The following NECTIN2 variants were observed in gnomAD, a reference collection of about 807,000 sequenced individuals.
NECTIN2 encodes the protein nectin cell adhesion molecule 2.
Under a neutral mutation model 56.9 loss-of-function variants are expected in NECTIN2, and 23 were observed. The observed-to-expected ratio is 0.40, with a 90% CI of 0.29 to 0.57. The LOEUF (loss-of-function observed/expected upper bound fraction) is 0.57. NECTIN2 is among the 20% of genes least tolerant of loss of function. The probability of loss-of-function intolerance (pLI) is 0.38; values close to 1 mark genes in which losing one functional copy is unlikely to be tolerated. For missense variants in NECTIN2, 587 were observed against 718.3 expected (o/e 0.82, Z 2.09); for synonymous variants, 302 against 313.8 (o/e 0.96, Z 0.40).
intron 1 of NECTIN2, among the ~76,000 whole-genome samples, chr19:44,853,768 T>C (rs1968930544): frequency 6.6e-6 from 1 of 152,228 alleles, no homozygotes; most frequent in African/African-American, 2.4e-5. Context: ...ATTACAGGCG[T>C]GAGCCATTGC....
intron 8 of NECTIN2, among the ~76,000 whole-genome samples, chr19:44,887,780 T>A (rs985580878): frequency 6.6e-6 from 1 of 152,178 alleles, no homozygotes; most frequent in Non-Finnish European, 1.5e-5. Context: ...ACACTGAGGT[T>A]GCGCTCAAGG....
At chr19:44,847,078 T>G (rs1968844660) in intron 1 of NECTIN2, among the ~76,000 whole-genome samples, 1 of 152,084 alleles carries the variant, frequency 6.6e-6, no homozygotes, top group Non-Finnish European at 1.5e-5. Flanking sequence ...CCCTCCCCTA[T>G]TTTTCCTTCT....
At chr19:44,878,856 C>T (rs1194699905) in intron 5 of NECTIN2, 16 of 1,303,450 alleles carry the variant, frequency 1.2e-5, no homozygotes, top group African/African-American at 9.1e-5. Flanking sequence ...AGAGGACCCC[C>T]GCCCCCAGAG....
rs371004925 is a variant in NECTIN2, at chr19:44,882,270, G to A, written c.1102G>A (p.Ala368Thr). ...CGGCATCATCGGGGGCATCATCGCCGCCATCATTGCTACTGCTGTGGCTGC... is the reference window on the plus strand; with the variant it reads ...CGGCATCATCGGGGGCATCATCGCCACCATCATTGCTACTGCTGTGGCTGC... ...TGGIIGGIIA[A>T]IIATAVAATG... Residue 368 changes from alanine to threonine, a missense_variant, in exon 6 of 9, where the codon GCC (alanine) becomes ACC (threonine). Ala to Thr is a moderately conservative substitution (Grantham distance 58). Coordinates refer to ENST00000252483, the MANE Select transcript of NECTIN2 (RefSeq NM_001042724.2). 89 of 1,557,968 alleles carry A rather than the reference G, an allele frequency of 5.7e-5. No individual in the cohort carries two copies. The highest frequency in any genetic ancestry group is 1.9e-4 in the Middle Eastern group (1 of 5,234).
intron 6 of NECTIN2, among the ~76,000 whole-genome samples, chr19:44,883,217 TGGTCAGGCAGGGTG>T (rs887054300): frequency 3.3e-4 from 50 of 151,420 alleles, no homozygotes; most frequent in African/African-American, 8.9e-4. Flanking sequence ...AGAGTAACAC[TGGTCAGGCAGGGTG>T]GGTCAGGCAG....
rs182824418 is a variant in NECTIN2 at position 44,867,194 on chromosome 19, G to T, written c.478+1534G>T. On this transcript the variant is annotated intron_variant, in intron 2 of 8. Transcript: ENST00000252483. ...CCACCACACCTAGCTAAATTTTTTTGTATTTTTAGTAGAGACGGGGTTGCA... is the reference window on the plus strand; with the variant it reads ...CCACCACACCTAGCTAAATTTTTTTTTATTTTTAGTAGAGACGGGGTTGCA... 3.9e-3 allele frequency among the ~76,000 whole-genome samples: 586 copies of T among 151,990 alleles called. 10 individuals carry two copies. The highest frequency in any genetic ancestry group is 9.7e-4 in the East Asian group (5 of 5,168).
At chr19:44,880,854 C>T (rs1969300698) in intron 5 of NECTIN2, among the ~76,000 whole-genome samples, 1 of 151,176 alleles carries the variant, frequency 6.6e-6, no homozygotes, top group Admixed American at 6.6e-5. Context: ...CTCACGGCAA[C>T]CTCCGCTTCC....
intron 5 of NECTIN2, among the ~76,000 whole-genome samples, chr19:44,881,662 G>A (rs1159949214): frequency 1.3e-5 from 2 of 152,112 alleles, no homozygotes; most frequent in South Asian, 2.1e-4. Context: ...ACTCTAGCCT[G>A]GGTGACAAAG....
chr19:44,863,411 G>C (rs1298907477), intron 1 of NECTIN2, among the ~76,000 whole-genome samples: 4 of 152,150 alleles, frequency 2.6e-5, no homozygotes, highest in Non-Finnish European at 5.9e-5. Flanking sequence ...CTGGGAGACA[G>C]AGTGAGACCC....
rs924238707 is a variant in NECTIN2, at chr19:44,885,872, A to T, written c.1197-65A>T. The stretch of plus-strand genomic sequence containing the variant: ...CCAGGTAGAGGGAACAGCATGTGCC[A>T]TAACCCCGGAGTCAGAGGGATGCCT... On this transcript the variant is annotated intron_variant, in intron 6 of 8. Coordinates refer to ENST00000252483, the MANE Select transcript of NECTIN2 (RefSeq NM_001042724.2). 144 of 1,364,256 alleles carry T rather than the reference A, an allele frequency of 1.1e-4. 1 individual carries two copies. The highest frequency in any genetic ancestry group is 1.2e-4 in the Non-Finnish European group (116 of 953,716). The allele number at this position is 1,364,256 out of a possible 1,614,324, so 84.5% of individuals were successfully genotyped here.
intron 5 of NECTIN2, among the ~76,000 whole-genome samples, chr19:44,876,974 A>G (rs1969246185): frequency 6.6e-6 from 1 of 152,176 alleles, no homozygotes; most frequent in South Asian, 2.1e-4. Context: ...CAAGCCTCCC[A>G]AGATAGGCTC....
At chr19:44,884,931 C>T (rs1969343193) in intron 6 of NECTIN2, among the ~76,000 whole-genome samples, 1 of 152,212 alleles carries the variant, frequency 6.6e-6, no homozygotes, top group Admixed American at 6.5e-5. Context: ...CTGAACTCCT[C>T]ATAGTGGATT....
At chr19:44,886,524 C>T (rs559003402) in intron 8 of NECTIN2, among the ~76,000 whole-genome samples, 1 of 152,080 alleles carries the variant, frequency 6.6e-6, no homozygotes, top group South Asian at 2.1e-4. Flanking sequence ...AGTTCGAGAC[C>T]AGCCTGTGCA....
intron 5 of NECTIN2, among the ~76,000 whole-genome samples, chr19:44,876,485 C>A (rs1477931627): frequency 6.6e-6 from 1 of 152,172 alleles, no homozygotes; most frequent in East Asian, 1.9e-4. Context: ...AGACACGTGC[C>A]TTCAGATAAT....
rs1968839146 is a variant in NECTIN2, at chr19:44,846,697, CGCCCACCCCCGGCTCCCCGA to C, written c.88+89_88+108del. The C allele has an allele frequency of 3.5e-6, 5 of 1,442,572 alleles. No homozygotes were observed. The South Asian group carries it at 6.6e-5, about 19-fold the overall frequency. The allele number at this position is 1,442,572 out of a possible 1,614,324, so 89.4% of individuals were successfully genotyped here. The stretch of plus-strand genomic sequence containing the variant: ...AGCTGGGGAAGCCGAGCACCTTCCC[CGCCCACCCCCGGCTCCCCGA>C]GCCCCCTCTCGCGTGCCCCCTTCCT... On this transcript the variant is annotated intron_variant, in intron 1 of 8. Coordinates refer to ENST00000252483, the MANE Select transcript of NECTIN2 (RefSeq NM_001042724.2).
chr19:44,884,694 G>A (rs1339304143), intron 6 of NECTIN2, among the ~76,000 whole-genome samples: 2 of 152,190 alleles, frequency 1.3e-5, no homozygotes, highest in Non-Finnish European at 2.9e-5. Flanking sequence ...GGATAGGGCA[G>A]TTGAGCAAGC....
At chr19:44,858,981 T>G (rs901161151) in intron 1 of NECTIN2, among the ~76,000 whole-genome samples, 2 of 152,172 alleles carry the variant, frequency 1.3e-5, no homozygotes, top group African/African-American at 2.4e-5. Flanking sequence ...ATTGCTATAA[T>G]TTACTGATGA....
chr19:44,867,252 C>T (rs888539077), intron 2 of NECTIN2, among the ~76,000 whole-genome samples: 30 of 152,130 alleles, frequency 2.0e-4, no homozygotes, highest in African/African-American at 7.0e-4. Flanking sequence ...GAACTCCCGA[C>T]CTCAGGTGAT....
intron 5 of NECTIN2, 112 bp from the exon 6 acceptor site, chr19:44,882,099 C>T (rs144261139): frequency 1.0e-6 from 1 of 960,782 alleles, no homozygotes; most frequent in Non-Finnish European, 1.4e-6. Flanking sequence ...GTCCCCTGCC[C>T]ATGGGAGAGG....
Sources: gnomAD v4.1 joint callset for allele counts (sites outside exome capture counted in the v4.1 genomes callset) on GRCh38, gnomAD v4.1.1 for gene constraint, MANE v1.5 for transcripts, NCBI Gene and HGNC (gene_info 2026-07-23, HGNC 2026-07-21) for gene names.